The following FAM149B1 variants were observed in gnomAD, a reference collection of about 807,000 sequenced individuals.
FAM149B1 encodes the protein primary cilium assembly protein FAM149B1.
A neutral mutation model predicts 75.3 loss-of-function variants in FAM149B1; 56 were observed. That is an observed-to-expected ratio of 0.74 (90% CI 0.60 to 0.93). The LOEUF (loss-of-function observed/expected upper bound fraction) is 0.93, where lower values mean the gene tolerates loss of function less well. FAM149B1 is among the 40% of genes least tolerant of loss of function. The pLI, the probability that FAM149B1 is intolerant of heterozygous loss-of-function variation, is 0.00. For missense variants in FAM149B1, 639 were observed against 708.4 expected (o/e 0.90, Z 1.11); for synonymous variants, 259 against 256.1 (o/e 1.01, Z -0.11).
chr10:73,188,168 A>G (rs2042578031), intron 3 of FAM149B1, among the ~76,000 whole-genome samples: 1 of 152,190 alleles, frequency 6.6e-6, no homozygotes, highest in East Asian at 1.9e-4. Flanking sequence ...GTCCAGAAAT[A>G]AACTCTTACA....
Position 73,243,739 on chromosome 10 carries a change from G to A in FAM149B1, c.*2720G>A, listed in dbSNP as rs1376527038. 4.3e-6 allele frequency: 5 copies of A among 1,168,868 alleles called. No homozygotes were observed. The allele number at this position is 1,168,868 out of a possible 1,614,324, so 72.4% of individuals were successfully genotyped here. A position where few individuals can be genotyped will look rare whatever the true frequency, so the allele number is the denominator to read the frequency against. ...CTTTAAAAGGACAAATAGAAGGTATGCGGTTATGTCTTAAAAGAAGAAAAC... is the reference window on the plus strand; with the variant it reads ...CTTTAAAAGGACAAATAGAAGGTATACGGTTATGTCTTAAAAGAAGAAAAC... On this transcript the variant is annotated 3_prime_UTR_variant, in exon 14 of 14. Coordinates refer to ENST00000242505, the MANE Select transcript of FAM149B1 (RefSeq NM_173348.2).
At chr10:73,229,479 G>A (rs1008163763) in intron 8 of FAM149B1, among the ~76,000 whole-genome samples, 1 of 152,214 alleles carries the variant, frequency 6.6e-6, no homozygotes, top group South Asian at 2.1e-4. Flanking sequence ...GGAGGCTGAG[G>A]CAGGAGAATC....
intron 8 of FAM149B1, 98 bp downstream of exon 8, chr10:73,228,282 A>G (rs1395079685): frequency 1.6e-5 from 16 of 1,005,082 alleles, no homozygotes; most frequent in South Asian, 1.4e-4. Flanking sequence ...TTCTGACTCA[A>G]TATGTTTTAG....
intron 3 of FAM149B1, among the ~76,000 whole-genome samples, chr10:73,181,029 C>G (rs1313280320): frequency 6.9e-6 from 1 of 144,766 alleles, no homozygotes; most frequent in African/African-American, 2.6e-5. Context: ...TTTTTTGAGA[C>G]GGAGTGTCGC....
intron 5 of FAM149B1, among the ~76,000 whole-genome samples, chr10:73,204,313 C>T (rs942563737): frequency 6.6e-5 from 10 of 151,914 alleles, no homozygotes; most frequent in Non-Finnish European, 1.5e-4. Flanking sequence ...TTAGTAGAGA[C>T]GGGGTTTTAC....
chr10:73,210,472 A>G (rs1253907819), intron 7 of FAM149B1, 34 bp downstream of exon 7: 4 of 1,413,154 alleles, frequency 2.8e-6, no homozygotes, highest in Non-Finnish European at 3.9e-6. Context: ...GTAAAAATCA[A>G]TTGTTTATGA....
chr10:73,231,388 T>G (rs1251371972), intron 9 of FAM149B1: 1 of 152,216 alleles, frequency 6.6e-6, no homozygotes, highest in Admixed American at 6.5e-5. Context: ...ATGTTTAGTT[T>G]CATAGGAAAC....
intron 5 of FAM149B1, among the ~76,000 whole-genome samples, chr10:73,197,577 C>T (rs1564692902): frequency 6.6e-6 from 1 of 152,038 alleles, no homozygotes; most frequent in Admixed American, 6.6e-5. Context: ...TGAGACCAGC[C>T]TGGCCAACAT....
chr10:73,213,127 A>G (rs1289433044), intron 7 of FAM149B1, among the ~76,000 whole-genome samples: 1 of 152,180 alleles, frequency 6.6e-6, no homozygotes, highest in Non-Finnish European at 1.5e-5. Context: ...GATTACAGGC[A>G]TGAGCCACCA....
In FAM149B1 at chr10:73,239,402, G is replaced by T. The variant is rs2043894263; in HGVS notation, c.1675+18G>T. The T allele has an allele frequency of 1.9e-6, 3 of 1,544,910 alleles. No individual in the cohort carries two copies. The highest frequency in any genetic ancestry group is 2.6e-6 in the Non-Finnish European group (3 of 1,140,962). On this transcript the variant is annotated intron_variant, in intron 13 of 13. Coordinates refer to ENST00000242505, the MANE Select transcript of FAM149B1 (RefSeq NM_173348.2). ...ATCTGCAGGTAAAGGTGGGGCCATG[G>T]CCCTTATTTACTACTGTGTGGTTGT... is the stretch of plus-strand genomic sequence containing the variant.
intron 7 of FAM149B1, among the ~76,000 whole-genome samples, chr10:73,214,909 G>T (rs1408982678): frequency 6.6e-6 from 1 of 152,158 alleles, no homozygotes; most frequent in African/African-American, 2.4e-5. Context: ...ATTTGACTGT[G>T]AATCCATCTG....
chr10:73,225,050 T>C (rs2043505691), intron 7 of FAM149B1, among the ~76,000 whole-genome samples: 1 of 152,254 alleles, frequency 6.6e-6, no homozygotes, highest in South Asian at 2.1e-4. Flanking sequence ...ATTACTGATG[T>C]GTTTGTGGTG....
At chr10:73,235,019 G>C (rs972448583) in intron 11 of FAM149B1, 79 bp downstream of exon 11, 6 of 1,508,772 alleles carry the variant, frequency 4.0e-6, no homozygotes, top group South Asian at 1.3e-5. Flanking sequence ...TCTGTGCCCT[G>C]ATCTTGATTT....
rs552526448 is a variant in FAM149B1 at position 73,174,912 on chromosome 10, T to C, written c.152+121T>C. ...GAAAACAAAGCAAGAATTTTTGTCA[T>C]GTTCTCAGTACCATTTAGTTTTCAT... On this transcript the variant is annotated intron_variant, in intron 2 of 13. Transcript: ENST00000242505. 51 of 656,886 alleles carry C rather than the reference T, an allele frequency of 7.8e-5. No individual in the cohort carries two copies. The African/African-American group carries it at 8.7e-4, about 11-fold the overall frequency. 40.7% of individuals were successfully genotyped at this position (656,886 alleles called of 1,614,324 possible).
chr10:73,190,219 A>G (rs184543920), intron 3 of FAM149B1, among the ~76,000 whole-genome samples: 87 of 152,134 alleles, frequency 5.7e-4, no homozygotes, highest in Non-Finnish European at 3.8e-4. Context: ...GAAAGAGGCA[A>G]TGTTCAAAGA....
intron 1 of FAM149B1, among the ~76,000 whole-genome samples, chr10:73,173,074 A>G (rs894330591): frequency 3.9e-5 from 6 of 152,152 alleles, no homozygotes; most frequent in African/African-American, 1.4e-4. Context: ...AGCTATGACC[A>G]CACCACTGTA....
rs999733510 is a variant in FAM149B1, at chr10:73,244,430, A to C, written c.*3411A>C. 1.3e-5 allele frequency: 2 copies of C among 152,398 alleles called. No homozygotes were observed. Among genetic ancestry groups the C allele is most frequent in the East Asian group, 3.9e-4 (2 of 5,152 alleles). The allele number at this position is 152,398 out of a possible 1,614,324, so 9.4% of individuals were successfully genotyped here. A position where few individuals can be genotyped will look rare whatever the true frequency, so the allele number is the denominator to read the frequency against. Reference sequence around the variant, plus strand: ...GAAGATGGCTTCAGTCTGAGAGTTCAGGCTGCAATAAGCTGTGATCATGCC... The same window carrying C: ...GAAGATGGCTTCAGTCTGAGAGTTCCGGCTGCAATAAGCTGTGATCATGCC... On this transcript the variant is annotated 3_prime_UTR_variant, in exon 14 of 14. Coordinates refer to ENST00000242505, the MANE Select transcript of FAM149B1 (RefSeq NM_173348.2).
intron 12 of FAM149B1, chr10:73,238,678 C>T (rs1589198463): frequency 6.6e-6 from 1 of 152,316 alleles, no homozygotes; most frequent in Non-Finnish European, 1.5e-5. Flanking sequence ...ATAGGGGCTT[C>T]ACCAGAAAAA....
chr10:73,244,107 T>C lies in FAM149B1; in HGVS notation c.*3088T>C, dbSNP rs557990189. 4 of 591,492 alleles carry C rather than the reference T, an allele frequency of 6.8e-6. No homozygotes were observed. In the South Asian group the frequency reaches 8.6e-5, roughly 13 times the overall value. The allele number at this position is 591,492 out of a possible 1,614,324, so 36.6% of individuals were successfully genotyped here. A position where few individuals can be genotyped will look rare whatever the true frequency, so the allele number is the denominator to read the frequency against. ...TGGCAACAATGCTGACAGCAAGCAGTAGATCCTCTGATTCCAATTACCATT... is the reference window on the plus strand; with the variant it reads ...TGGCAACAATGCTGACAGCAAGCAGCAGATCCTCTGATTCCAATTACCATT... On this transcript the variant is annotated 3_prime_UTR_variant, in exon 14 of 14. Transcript: ENST00000242505.
Sources: allele counts gnomAD v4.1 joint callset (sites outside exome capture counted in the v4.1 genomes callset), GRCh38; gene constraint gnomAD v4.1.1; transcripts MANE v1.5; gene names NCBI Gene and HGNC (gene_info 2026-07-23, HGNC 2026-07-21).